Variants in UNC13B observed in about 807,000 individuals in gnomAD.
The protein encoded by UNC13B is protein unc-13 homolog B.
In UNC13B, 144 loss-of-function variants were observed where a neutral mutation model predicts 211.0. The observed-to-expected ratio is 0.68, with a 90% CI of 0.60 to 0.78. The LOEUF is 0.78. Ranked by LOEUF, UNC13B falls within the 30% of genes least tolerant of loss-of-function variation. The pLI, the probability that UNC13B is intolerant of heterozygous loss-of-function variation, is 0.00. For missense variants in UNC13B, 1,777 were observed against 2,002.0 expected, an observed-to-expected ratio of 0.89 and a Z score of 2.14; for synonymous variants, 709 against 725.8, an observed-to-expected ratio of 0.98 and a Z score of 0.37.
At position 35,308,299 on chromosome 9, in the gene UNC13B, T is replaced by C; in HGVS notation, c.8895T>C (p.Phe2965=). Residue 2965 remains phenylalanine (F), a synonymous_variant, in exon 9 of 40, where the codon TTT becomes TTC. Transcript: ENST00000635942. The stretch of plus-strand genomic sequence containing the variant: ...AACCCTCCACTGTCTCTGAGATATT[T>C]CACCAGCTAGAAAAACAAGAAGAGG... ...EEEPSTVSEI[F]HQLEKQEEEA... 1 of 399,058 alleles carries C rather than the reference T, an allele frequency of 2.5e-6. No homozygotes were observed. Among genetic ancestry groups the C allele is most frequent in the Non-Finnish European group, 4.4e-6 (1 of 226,122 alleles). The allele number at this position is 399,058 out of a possible 1,614,324, so 24.7% of individuals were successfully genotyped here.
Position 35,404,049 on chromosome 9 carries a change from G to A in UNC13B, c.*16G>A, listed in dbSNP as rs1435027033. ...GGGGAGCTGAACACCTTCGACTCCT[G>A]TGCCAATCAGGCAGCAGCAATTTCA... is the stretch of plus-strand genomic sequence containing the variant. On this transcript the variant is annotated 3_prime_UTR_variant, in exon 40 of 40. Coordinates refer to ENST00000635942, the MANE Select transcript of UNC13B (RefSeq NM_001371189.2). The A allele has an allele frequency of 1.0e-5, 16 of 1,604,954 alleles. No homozygotes were observed. Among genetic ancestry groups the A allele is most frequent in the Non-Finnish European group, 1.3e-5 (15 of 1,175,052 alleles).
chr9:35,352,114 T>C (rs1048746866), intron 11 of UNC13B: 22 of 1,232,060 alleles, frequency 1.8e-5, no homozygotes, highest in Non-Finnish European at 2.2e-5. Context: ...TGAGCACCTG[T>C]TCCCTGGCCA....
chr9:35,396,131 G>A (rs970205041), intron 26 of UNC13B, among the ~76,000 whole-genome samples: 1 of 152,228 alleles, frequency 6.6e-6, no homozygotes, highest in Non-Finnish European at 1.5e-5. Flanking sequence ...GTCATGGGCA[G>A]TCTCCCTACT....
intron 2 of UNC13B, among the ~76,000 whole-genome samples, chr9:35,228,341 A>AT (rs201621788): frequency 5.3e-4 from 78 of 146,264 alleles, no homozygotes; most frequent in South Asian, 1.1e-3. Flanking sequence ...AGTGGAAACA[A>AT]TTTTTTTTTT....
In UNC13B at chr9:35,352,283, T is replaced by G. The variant is rs1357006795; in HGVS notation, c.9415-14664T>G. ...GCACCTTTGTGTTAATGGCATGCAG[T>G]GCAACAGGTACATTAAAAAGGCTTA... On this transcript the variant is annotated intron_variant, in intron 11 of 39. Coordinates refer to ENST00000635942, the MANE Select transcript of UNC13B (RefSeq NM_001371189.2). The G allele has an allele frequency of 2.4e-6, 3 of 1,232,024 alleles. No homozygotes were observed. The Admixed American group carries it at 1.3e-4, about 52-fold the overall frequency. The allele number at this position is 1,232,024 out of a possible 1,614,324, so 76.3% of individuals were successfully genotyped here. A position where few individuals can be genotyped will look rare whatever the true frequency, so the allele number is the denominator to read the frequency against.
At chr9:35,310,835 T>G in intron 10 of UNC13B, 54 bp downstream of exon 10, 1 of 1,511,158 alleles carries the variant, frequency 6.6e-7, no homozygotes, top group Non-Finnish European at 9.0e-7. Flanking sequence ...ACCTGCCCTG[T>G]GGTATTGCTG....
At chr9:35,397,936 C>CT (rs1013573807) in intron 30 of UNC13B, among the ~76,000 whole-genome samples, 50 of 151,934 alleles carry the variant, frequency 3.3e-4, no homozygotes, top group Non-Finnish European at 2.4e-4. Context: ...TTTGCTTAGT[C>CT]TTTTTTTTAA....
intron 11 of UNC13B, among the ~76,000 whole-genome samples, chr9:35,330,788 A>G (rs957169459): frequency 2.0e-5 from 3 of 152,180 alleles, no homozygotes; most frequent in Admixed American, 6.5e-5. Context: ...GGTGAATTAT[A>G]GGATGTCACA....
At chr9:35,183,682 C>A (rs1292833853) in intron 1 of UNC13B, among the ~76,000 whole-genome samples, 1 of 143,710 alleles carries the variant, frequency 7.0e-6, no homozygotes, top group Non-Finnish European at 1.5e-5. Context: ...GCGCTCCTCA[C>A]TTCCCAGACG....
At chr9:35,280,847 CAATT>C (rs1042504521) in intron 7 of UNC13B, among the ~76,000 whole-genome samples, 2 of 152,198 alleles carry the variant, frequency 1.3e-5, no homozygotes, top group East Asian at 1.9e-4. Context: ...CAATTATACA[CAATT>C]AACCATGTTA....
At position 35,339,043 on chromosome 9, in the gene UNC13B, C is replaced by G. The variant is rs115666905; in HGVS notation, c.9414+25054C>G. Among the ~76,000 whole-genome samples, 904 of 152,302 alleles carry G rather than the reference C, an allele frequency of 5.9e-3. 8 individuals carry two copies. The highest frequency in any genetic ancestry group is 0.02 in the African/African-American group (830 of 41,560). ...GCTCCCCTTTAGAACTCCTGCAGGT[C>G]TGAACCTTCCCACAACTCTGCGTGA... On this transcript the variant is annotated intron_variant, in intron 11 of 39. Transcript: ENST00000635942.
intron 1 of UNC13B, among the ~76,000 whole-genome samples, chr9:35,206,573 A>G (rs1477307527): frequency 6.6e-6 from 1 of 152,140 alleles, no homozygotes; most frequent in African/African-American, 2.4e-5. Context: ...TAATGATTGA[A>G]TAATACCATA....
At chr9:35,249,785 A>G (rs1482101492) in intron 6 of UNC13B, among the ~76,000 whole-genome samples, 3 of 152,094 alleles carry the variant, frequency 2.0e-5, no homozygotes, top group African/African-American at 4.8e-5. Context: ...GCTGCCCTTA[A>G]CATTATTTCC....
At chr9:35,181,767 G>A (rs1281997171) in intron 1 of UNC13B, among the ~76,000 whole-genome samples, 1 of 152,192 alleles carries the variant, frequency 6.6e-6, no homozygotes, top group East Asian at 1.9e-4. Flanking sequence ...AACCCAGGAG[G>A]TGGAGGTTGC....
intron 17 of UNC13B, 69 bp from the exon 18 acceptor site, chr9:35,380,401 G>A: frequency 6.5e-7 from 1 of 1,542,678 alleles, no homozygotes; most frequent in East Asian, 2.3e-5. Flanking sequence ...TTTTGGGAGG[G>A]AATAGGAAGT....
At chr9:35,361,849 A>C (rs1476338837) in intron 11 of UNC13B, 2 of 152,328 alleles carry the variant, frequency 1.3e-5, no homozygotes, top group East Asian at 3.9e-4. Flanking sequence ...AATATGCCTG[A>C]GTCCACCCAG....
chr9:35,190,965 T>TACAAAAAAAGAAAAAAG (rs1822625529), intron 1 of UNC13B, among the ~76,000 whole-genome samples: 2 of 152,184 alleles, frequency 1.3e-5, no homozygotes, highest in Non-Finnish European at 2.9e-5. Flanking sequence ...TATTTTCTTT[T>TACAAAAAAAGAAAAAAG]TTCTTTTTTT....
chr9:35,265,321 C>T (rs974446982), intron 7 of UNC13B, among the ~76,000 whole-genome samples: 2 of 152,178 alleles, frequency 1.3e-5, no homozygotes, highest in Non-Finnish European at 2.9e-5. Context: ...AGAAGAGACA[C>T]CAGAGCTTGC....
chr9:35,278,034 A>G (rs757381211), intron 7 of UNC13B, among the ~76,000 whole-genome samples: 13 of 152,192 alleles, frequency 8.5e-5, no homozygotes, highest in Non-Finnish European at 1.9e-4. Context: ...GTTCATTGAA[A>G]TGAGAGATTG....
Sources: allele counts gnomAD v4.1 joint callset (sites outside exome capture counted in the v4.1 genomes callset), GRCh38; gene constraint gnomAD v4.1.1; transcripts MANE v1.5; gene names NCBI Gene and HGNC (gene_info 2026-07-23, HGNC 2026-07-21).